SYT5: variants seen among roughly 807,000 people sequenced by gnomAD.
The protein encoded by SYT5 is synaptotagmin 5, also known as synaptotagmin-5.
In SYT5, 29 loss-of-function variants were observed where a neutral mutation model predicts 36.0. The observed-to-expected ratio is 0.81, with a 90% confidence interval of 0.60 to 1.10. The LOEUF is 1.10. SYT5 is among the 50% of genes least tolerant of loss of function. SYT5 has a pLI of 0.00. For synonymous variants in SYT5, 231 were observed against 227.6 expected (o/e 1.02, Z -0.14); for missense variants, 512 against 516.0 (o/e 0.99, Z 0.08).
rs1277373114 is a variant in SYT5, at chr19:55,179,386, A to C, written c.-45-300T>G. The C allele has an allele frequency of 9.7e-6, 6 of 619,066 alleles. No individual in the cohort carries two copies. The East Asian group carries it at 1.7e-4, about 18-fold the overall frequency. The allele number at this position is 619,066 out of a possible 1,614,324, so 38.3% of individuals were successfully genotyped here. ...GGCGAAGGCAGACGTGGGAACCAGC[A>C]GACCGCGTTGCCCAGAGCAACAGCC... On this transcript the variant is annotated intron_variant, in intron 1 of 8. Coordinates refer to ENST00000354308, the MANE Select transcript of SYT5 (RefSeq NM_003180.3). The surrounding 1 kb of genome is among the most constrained non-coding windows in gnomAD (Gnocchi z 4.5).
intron 8 of SYT5, 48 bp downstream of exon 8, chr19:55,174,469 C>T (rs562258080): frequency 1.3e-6 from 2 of 1,593,258 alleles, no homozygotes; most frequent in East Asian, 2.2e-5. Context: ...CTAGCAATGG[C>T]GATTACTAAA....
chr19:55,173,780 C>T lies in SYT5; in HGVS notation c.961-96G>A, dbSNP rs568601514. The T allele has an allele frequency of 4.2e-5, 53 of 1,254,436 alleles. 1 individual carries two copies. In the South Asian group the frequency reaches 1.4e-3, roughly 34 times the overall value. 77.7% of individuals were successfully genotyped at this position (1,254,436 alleles called of 1,614,324 possible). ...TTTTCACGGCTGAGGGTACCTCTCGCTGCCACCCGAGGGCTCGGGGCCCCG... is the reference window on the plus strand; with the variant it reads ...TTTTCACGGCTGAGGGTACCTCTCGTTGCCACCCGAGGGCTCGGGGCCCCG... On this transcript the variant is annotated intron_variant, in intron 8 of 8. Transcript: ENST00000354308. This position sits in a 1 kb window ranked among gnomAD's most constrained non-coding sequence, Gnocchi z 5.4.
At chr19:55,174,364 G>C (rs1270370297) in intron 8 of SYT5, among the ~76,000 whole-genome samples, 153 bp downstream of exon 8, 1 of 150,138 alleles carries the variant, frequency 6.7e-6, no homozygotes, top group African/African-American at 2.5e-5. Context: ...GAGTGGAAGA[G>C]GCTTCCTGGT....
Position 55,175,467 on chromosome 19 carries a change from G to A in SYT5, c.541-128C>T. ...AGCGAACAGTTGGGGGAACTCAAAT[G>A]GGAAAGTCCAGGGATCCATGCGGAA... is the stretch of plus-strand genomic sequence containing the variant. On this transcript the variant is annotated intron_variant, in intron 5 of 8. Transcript: ENST00000354308. This position sits in a 1 kb window ranked among gnomAD's most constrained non-coding sequence, Gnocchi z 4.5. The A allele has an allele frequency of 8.5e-7, 1 of 1,177,576 alleles. No individual in the cohort carries two copies. The highest frequency in any genetic ancestry group is 1.5e-5 in the African/African-American group (1 of 64,770). 72.9% of individuals were successfully genotyped at this position (1,177,576 alleles called of 1,614,324 possible). A position where few individuals can be genotyped will look rare whatever the true frequency, so the allele number is the denominator to read the frequency against.
At position 55,175,651 on chromosome 19, in the gene SYT5, A is replaced by T; in HGVS notation, c.540+58T>A. The T allele has an allele frequency of 6.3e-7, 1 of 1,582,650 alleles. No individual in the cohort carries two copies. Among genetic ancestry groups the T allele is most frequent in the African/African-American group, 1.3e-5 (1 of 74,250 alleles). ...GGAAAAGCGGAAGGGGTCGGTCCCT[A>T]GTGTTCCAGGGACTGGGCACAGGCT... On this transcript the variant is annotated intron_variant, in intron 5 of 8. Coordinates refer to ENST00000354308, the MANE Select transcript of SYT5 (RefSeq NM_003180.3). The surrounding 1 kb of genome is among the most constrained non-coding windows in gnomAD (Gnocchi z 4.5).
Position 55,179,240 on chromosome 19 carries a change from A to C in SYT5, c.-45-154T>G, listed in dbSNP as rs2086117176. The C allele has an allele frequency of 6.7e-7, 1 of 1,489,812 alleles. No individual in the cohort carries two copies. The highest frequency in any genetic ancestry group is 8.9e-7 in the Non-Finnish European group (1 of 1,123,768). 92.3% of individuals were successfully genotyped at this position (1,489,812 alleles called of 1,614,324 possible). A position where few individuals can be genotyped will look rare whatever the true frequency, so the allele number is the denominator to read the frequency against. Reference sequence around the variant, plus strand: ...TGTAGTATCAGCCTCCCCGCACTTGAGAGGGGGTGTCCAGGACCTAGTTCC... The same window carrying C: ...TGTAGTATCAGCCTCCCCGCACTTGCGAGGGGGTGTCCAGGACCTAGTTCC... On this transcript the variant is annotated intron_variant, in intron 1 of 8. Transcript: ENST00000354308. This position sits in a 1 kb window ranked among gnomAD's most constrained non-coding sequence, Gnocchi z 4.5.
At chr19:55,174,751 C>T in intron 7 of SYT5, 101 bp from the exon 8 acceptor site, 1 of 1,582,092 alleles carries the variant, frequency 6.3e-7, no homozygotes, top group Non-Finnish European at 8.6e-7. Flanking sequence ...AGCTCTATGC[C>T]AAAATCCATG....
Position 55,174,652 on chromosome 19 carries a change from T to G in SYT5, c.827-2A>C, listed in dbSNP as rs762347142. On this transcript the variant is annotated splice_acceptor_variant, in intron 7 of 8. Transcript: ENST00000354308. LOFTEE classifies it high-confidence loss of function. The stretch of plus-strand genomic sequence containing the variant: ...GCAGGTGGACCTTGACGTATGGATC[T>G]GGGGAGAGGAAGGAGGAGTCTTATA... 21 of 1,613,936 alleles carry G rather than the reference T, an allele frequency of 1.3e-5. No homozygotes were observed. Among genetic ancestry groups the G allele is most frequent in the Non-Finnish European group, 1.8e-5 (21 of 1,179,988 alleles).
intron 3 of SYT5, among the ~76,000 whole-genome samples, chr19:55,176,738 G>C (rs2086080622): frequency 6.6e-6 from 1 of 151,742 alleles, no homozygotes; most frequent in Admixed American, 6.6e-5. Context: ...GTGTGATTCT[G>C]CTGCAGACGG....
intron 3 of SYT5, chr19:55,177,260 C>T (rs2086086897): frequency 6.6e-6 from 1 of 152,230 alleles, no homozygotes; most frequent in African/African-American, 2.4e-5. Flanking sequence ...CACTTCACTC[C>T]AGAGTGCAGC....
chr19:55,175,563 G>A lies in SYT5; in HGVS notation c.540+146C>T, dbSNP rs2086066459. 1.3e-5 allele frequency: 15 copies of A among 1,199,238 alleles called. No homozygotes were observed. Among genetic ancestry groups the A allele is most frequent in the Non-Finnish European group, 1.5e-5 (13 of 853,464 alleles). 74.3% of individuals were successfully genotyped at this position (1,199,238 alleles called of 1,614,324 possible). ...AGGCTACAGCCCAGGAGTCAGTAGT[G>A]CCCAGGGTCCAGTGGAATAGCCCCA... On this transcript the variant is annotated intron_variant, in intron 5 of 8. Coordinates refer to ENST00000354308, the MANE Select transcript of SYT5 (RefSeq NM_003180.3). The surrounding 1 kb of genome is among the most constrained non-coding windows in gnomAD (Gnocchi z 4.5).
rs2086023563 is a variant in SYT5 at position 55,173,210 on chromosome 19, C to G, written c.*274G>C. The G allele has an allele frequency of 2.6e-6, 1 of 384,614 alleles. No homozygotes were observed. The highest frequency in any genetic ancestry group is 3.8e-5 in the East Asian group (1 of 26,182). 23.8% of individuals were successfully genotyped at this position (384,614 alleles called of 1,614,324 possible). ...GATTGTCAAAGCAGGGGGCAGGACC[C>G]GGGGGCAGGAGAAACCAGGCTGCCT... On this transcript the variant is annotated 3_prime_UTR_variant, in exon 9 of 9. Coordinates refer to ENST00000354308, the MANE Select transcript of SYT5 (RefSeq NM_003180.3). The surrounding 1 kb of genome is among the most constrained non-coding windows in gnomAD (Gnocchi z 5.4).
intron 2 of SYT5, among the ~76,000 whole-genome samples, chr19:55,178,753 A>AT (rs5828614): frequency 0.013 from 664 of 50,458 alleles, 99 homozygotes; most frequent in African/African-American, 0.049. Context: ...TCCGGTTTCG[A>AT]TTTTTTTTTT....
rs766602924 is a variant in SYT5, at chr19:55,178,208, ACT to A, written c.238_239del (p.Ser80LeufsTer28). 6.2e-7 allele frequency: 1 copy of A among 1,606,712 alleles called. No individual in the cohort carries two copies. The highest frequency in any genetic ancestry group is 8.5e-7 in the Non-Finnish European group (1 of 1,177,034). The stretch of plus-strand genomic sequence containing the variant: ...GGCTGGGCCACACCTTGTCTATGTA[ACT>A]CTGGCCCAGCCCCTTCACTTCCTGA... ...HLQEVKGLGQ[S>X]YIDKVQPEVE... On this transcript the variant is annotated frameshift_variant, in exon 3 of 9. Coordinates refer to ENST00000354308, the MANE Select transcript of SYT5 (RefSeq NM_003180.3). LOFTEE classifies it high-confidence loss of function.
intron 3 of SYT5, 59 bp from the exon 4 acceptor site, chr19:55,176,183 G>A: frequency 6.2e-7 from 1 of 1,609,320 alleles, no homozygotes; most frequent in African/African-American, 1.3e-5. Context: ...TATCCATCAG[G>A]CTCAGAAGCC....
chr19:55,175,923 G>C lies in SYT5; in HGVS notation c.373-47C>G. On this transcript the variant is annotated intron_variant, in intron 4 of 8. Coordinates refer to ENST00000354308, the MANE Select transcript of SYT5 (RefSeq NM_003180.3). The surrounding 1 kb of genome is among the most constrained non-coding windows in gnomAD (Gnocchi z 4.5). ...GGGGAGGTGGGGAACACTAGTCTTA[G>C]CCTCCCTTCCATGGCTCCTTTCAGA... 1.2e-6 allele frequency: 2 copies of C among 1,613,344 alleles called. No homozygotes were observed. Among genetic ancestry groups the C allele is most frequent in the Non-Finnish European group, 1.7e-6 (2 of 1,179,488 alleles).
Position 55,178,283 on chromosome 19 carries a change from A to G in SYT5, c.165T>C (p.Cys55=). 9 of 1,611,766 alleles carry G rather than the reference A, an allele frequency of 5.6e-6. No homozygotes were observed. Among genetic ancestry groups the G allele is most frequent in the Non-Finnish European group, 7.6e-6 (9 of 1,179,250 alleles). Residue 55 remains cysteine, a synonymous_variant, in exon 3 of 9, where the codon TGT becomes TGC. Transcript: ENST00000354308. ...SCCFCLYRKS[C]RRRTGKKSQA... Reference sequence around the variant, plus strand: ...GGCTCTTCTTGCCTGTCCGCCTCCGACAGCTCTTCCGGTAGAGACAGAAAC... The same window carrying G: ...GGCTCTTCTTGCCTGTCCGCCTCCGGCAGCTCTTCCGGTAGAGACAGAAAC...
Position 55,173,153 on chromosome 19 carries a change from T to G in SYT5, c.*331A>C. On this transcript the variant is annotated 3_prime_UTR_variant, in exon 9 of 9. Coordinates refer to ENST00000354308, the MANE Select transcript of SYT5 (RefSeq NM_003180.3). This position sits in a 1 kb window ranked among gnomAD's most constrained non-coding sequence, Gnocchi z 5.4. ...GGAGCAGTGCAGGGATGGGCTGTGT[T>G]GGAAGAGAGAGGAGAGCAGACGAGG... 1.1e-5 allele frequency: 3 copies of G among 272,580 alleles called. No individual in the cohort carries two copies. The highest frequency in any genetic ancestry group is 1.4e-5 in the Non-Finnish European group (2 of 145,098). The allele number at this position is 272,580 out of a possible 1,614,324, so 16.9% of individuals were successfully genotyped here.
In SYT5 at chr19:55,175,071, C is replaced by T; in HGVS notation, c.709-72G>A. 1 of 1,597,268 alleles carries T rather than the reference C, an allele frequency of 6.3e-7. No individual in the cohort carries two copies. Among genetic ancestry groups the T allele is most frequent in the South Asian group, 1.1e-5 (1 of 90,242 alleles). ...GCCTCCTCAGGGGTACAATCCACGCCGCCCTGAGGGTCTGGAAAGCCTATG... is the reference window on the plus strand; with the variant it reads ...GCCTCCTCAGGGGTACAATCCACGCTGCCCTGAGGGTCTGGAAAGCCTATG... On this transcript the variant is annotated intron_variant, in intron 6 of 8. Coordinates refer to ENST00000354308, the MANE Select transcript of SYT5 (RefSeq NM_003180.3). This position sits in a 1 kb window ranked among gnomAD's most constrained non-coding sequence, Gnocchi z 4.5.
Sources: allele counts gnomAD v4.1 joint callset (sites outside exome capture counted in the v4.1 genomes callset), GRCh38; gene constraint gnomAD v4.1.1; non-coding constraint Gnocchi (gnomAD v3.1); transcripts MANE v1.5; gene names NCBI Gene and HGNC (gene_info 2026-07-23, HGNC 2026-07-21).